PKIB: variants seen among roughly 807,000 people sequenced by gnomAD.
The protein encoded by PKIB is PKI-beta.
Under a neutral mutation model 4.5 loss-of-function variants are expected in PKIB, and 2 were observed. The ratio of observed to expected loss-of-function variants is 0.44; its 90% CI spans 0.18 to 1.39. The LOEUF (loss-of-function observed/expected upper bound fraction) is 1.39. Ranked by LOEUF, PKIB falls within the 40% of genes most tolerant of loss-of-function variation. The pLI, the probability that PKIB is intolerant of heterozygous loss-of-function variation, is 0.27. For synonymous variants in PKIB, 38 were observed against 36.0 expected, an observed-to-expected ratio of 1.06 and a Z score of -0.20; for missense variants, 94 against 92.6, an observed-to-expected ratio of 1.02 and a Z score of -0.06.
At chr6:122,633,927 G>GTCCT (rs1775797402) in intron 2 of PKIB, among the ~76,000 whole-genome samples, 1 of 86,716 alleles carries the variant, frequency 1.2e-5, no homozygotes, top group African/African-American at 3.8e-5. Context: ...ACAGATATCT[G>GTCCT]TCCTATCTAT....
At chr6:122,555,170 G>C (rs1772801012) in intron 2 of PKIB, among the ~76,000 whole-genome samples, 1 of 152,150 alleles carries the variant, frequency 6.6e-6, no homozygotes, top group East Asian at 1.9e-4. Flanking sequence ...CCACTGGTTT[G>C]GGGGAATAAG....
chr6:122,666,754 T>G (rs1055404611), intron 2 of PKIB, among the ~76,000 whole-genome samples: 1 of 152,194 alleles, frequency 6.6e-6, no homozygotes, highest in Admixed American at 6.5e-5. Context: ...ACCTCTAAAG[T>G]ATAATTCATC....
At chr6:122,717,530 C>A in intron 3 of PKIB, 2 of 459,104 alleles carry the variant, frequency 4.4e-6, no homozygotes, top group Admixed American at 3.7e-5. Flanking sequence ...TTACTGCACC[C>A]TTAAGCATCC....
chr6:122,498,411 A>G (rs1776135866), intron 2 of PKIB, among the ~76,000 whole-genome samples: 1 of 152,218 alleles, frequency 6.6e-6, no homozygotes, highest in Non-Finnish European at 1.5e-5. Context: ...GACATGTGGG[A>G]ATAGTGGGAG....
chr6:122,579,981 G>A (rs1298700676), intron 2 of PKIB, among the ~76,000 whole-genome samples: 1 of 152,028 alleles, frequency 6.6e-6, no homozygotes, highest in Admixed American at 6.6e-5. Flanking sequence ...ATTAAAAATA[G>A]GTCTTAAGGT....
intron 1 of PKIB, among the ~76,000 whole-genome samples, chr6:122,632,478 C>T (rs1775742396): frequency 6.6e-6 from 1 of 152,150 alleles, no homozygotes; most frequent in Non-Finnish European, 1.5e-5. Context: ...CAGCTGTGGC[C>T]ACCTCCACAG....
intron 2 of PKIB, among the ~76,000 whole-genome samples, chr6:122,507,069 G>C (rs1776432112): frequency 6.6e-6 from 1 of 151,908 alleles, no homozygotes; most frequent in Non-Finnish European, 1.5e-5. Flanking sequence ...CTCTTTTTGG[G>C]GGGTTTAAAT....
At chr6:122,502,979 C>T (rs2114562832) in intron 2 of PKIB, among the ~76,000 whole-genome samples, 1 of 152,238 alleles carries the variant, frequency 6.6e-6, no homozygotes, top group South Asian at 2.1e-4. Flanking sequence ...CTGGGAAGTC[C>T]AAGATCAAAG....
At chr6:122,668,660 T>C (rs1777327875) in intron 2 of PKIB, among the ~76,000 whole-genome samples, 1 of 152,128 alleles carries the variant, frequency 6.6e-6, no homozygotes, top group African/African-American at 2.4e-5. Context: ...CCAAGCCAGG[T>C]GGGGAAGAAG....
chr6:122,695,069 T>A (rs905694194), intron 3 of PKIB, among the ~76,000 whole-genome samples: 1 of 152,088 alleles, frequency 6.6e-6, no homozygotes, highest in Non-Finnish European at 1.5e-5. Context: ...TGCAAACTTA[T>A]TTTCAAATTT....
intron 2 of PKIB, chr6:122,652,775 G>C (rs1776612081): frequency 6.6e-6 from 1 of 152,168 alleles, no homozygotes; most frequent in African/African-American, 2.4e-5. Flanking sequence ...AGAAGTTGTA[G>C]GTAATAATCT....
intron 2 of PKIB, among the ~76,000 whole-genome samples, chr6:122,645,361 T>C (rs1021911278): frequency 1.3e-5 from 2 of 152,192 alleles, no homozygotes; most frequent in African/African-American, 4.8e-5. Flanking sequence ...GCCATTGGAA[T>C]TGGAACTTGT....
intron 2 of PKIB, among the ~76,000 whole-genome samples, chr6:122,485,558 G>A (rs1775743476): frequency 6.6e-6 from 1 of 152,094 alleles, no homozygotes; most frequent in South Asian, 2.1e-4. Context: ...GTGTGTTACT[G>A]GAATACAGAA....
At chr6:122,654,557 G>T (rs1360200084) in intron 2 of PKIB, among the ~76,000 whole-genome samples, 2 of 152,164 alleles carry the variant, frequency 1.3e-5, no homozygotes, top group African/African-American at 2.4e-5. Flanking sequence ...GGTCTGCTAT[G>T]TACAGGGTTC....
rs80258780 is a variant in PKIB, at chr6:122,697,634, A to G, written c.-8-20153A>G. On this transcript the variant is annotated intron_variant, in intron 3 of 4. Coordinates refer to ENST00000368452, the MANE Select transcript of PKIB (RefSeq NM_181795.3). The stretch of plus-strand genomic sequence containing the variant: ...CAATGCTTGTGGCAGTGGTGACATC[A>G]AGGGGGTAGAGGGACATTTGTCTCA... 3.8e-3 allele frequency among the ~76,000 whole-genome samples: 582 copies of G among 152,174 alleles called. 14 individuals carry two copies. In the East Asian group the frequency reaches 0.076, roughly 20 times the overall value.
At chr6:122,551,243 G>A (rs564331166) in intron 2 of PKIB, among the ~76,000 whole-genome samples, 2 of 151,954 alleles carry the variant, frequency 1.3e-5, no homozygotes, top group South Asian at 4.2e-4. Flanking sequence ...CTTTCTGAAA[G>A]ATCTATAATT....
At chr6:122,685,036 G>C (rs1319476000) in intron 3 of PKIB, among the ~76,000 whole-genome samples, 1 of 152,134 alleles carries the variant, frequency 6.6e-6, no homozygotes, top group South Asian at 2.1e-4. Context: ...TTTTCTTCCA[G>C]CTGCTAAACT....
In PKIB at chr6:122,576,668, C is replaced by CAAA. The variant is rs71867898; in HGVS notation, c.-247-9233_-247-9231dup. ...TGAGCGACAGAGCGAGACTCCATCT[C>CAAA]AAAAAAAAAAAAAAAAAAAAAATAT... On this transcript the variant is annotated intron_variant, in intron 2 of 6. Coordinates refer to the PKIB transcript ENST00000392491. Among the ~76,000 whole-genome samples the CAAA allele has an allele frequency of 3.2e-3, 38 of 12,006 alleles. 1 individual carries two copies. Among genetic ancestry groups the CAAA allele is most frequent in the African/African-American group, 0.012 (26 of 2,256 alleles). The allele number at this position is 12,006 out of a possible 152,430, so 7.9% of individuals were successfully genotyped here.
intron 2 of PKIB, among the ~76,000 whole-genome samples, chr6:122,492,445 A>G (rs1775964703): frequency 1.3e-5 from 2 of 152,138 alleles, no homozygotes; most frequent in African/African-American, 2.4e-5. Context: ...AGGGAACAAT[A>G]TGGGACCAGC....
Sources: allele counts gnomAD v4.1 joint callset (sites outside exome capture counted in the v4.1 genomes callset), GRCh38; gene constraint gnomAD v4.1.1; transcripts MANE v1.5; gene names NCBI Gene and HGNC (gene_info 2026-07-23, HGNC 2026-07-21).